EED: variants seen among roughly 807,000 people sequenced by gnomAD.
EED encodes the protein embryonic ectoderm development.
Under a neutral mutation model 61.0 loss-of-function variants are expected in EED, and 9 were observed. The ratio of observed to expected loss-of-function variants is 0.15; its 90% CI spans 0.09 to 0.26. The LOEUF (loss-of-function observed/expected upper bound fraction) is 0.26, where lower values mean the gene tolerates loss of function less well. EED is among the 10% of genes least tolerant of loss of function. EED has a pLI of 1.00. For synonymous variants in EED, 187 were observed against 174.4 expected, an observed-to-expected ratio of 1.07 and a Z score of -0.57; for missense variants, 315 against 542.3, an observed-to-expected ratio of 0.58 and a Z score of 4.16.
chr11:86,284,576 C>T, the EED span: 1 of 152,142 alleles, frequency 6.6e-6, no homozygotes, highest in Non-Finnish European at 1.5e-5. Context: ...TGCTCTTTGC[C>T]CCAAGGGAAC....
intron 1 of EED, among the ~76,000 whole-genome samples, chr11:86,248,533 G>A (rs1315890559): frequency 2.0e-5 from 3 of 152,150 alleles, no homozygotes; most frequent in African/African-American, 7.2e-5. Context: ...AGGGAACCAG[G>A]CAAATGTTAT....
At chr11:86,267,800 A>C (rs1000025209) in intron 8 of EED, 1 of 116,878 alleles carries the variant, frequency 8.6e-6, no homozygotes. Context: ...TTTTTAGTAG[A>C]GATGGGGTTT....
Position 86,265,917 on chromosome 11 carries a change from C to T in EED, c.727-166C>T, listed in dbSNP as rs1310195354. The T allele has an allele frequency of 3.7e-5, 18 of 481,490 alleles. No individual in the cohort carries two copies. In the Admixed American group the frequency reaches 5.7e-4, roughly 15 times the overall value. The allele number at this position is 481,490 out of a possible 1,614,324, so 29.8% of individuals were successfully genotyped here. ...TGACAAACTAATTAAAGCTGTAAAT[C>T]TTGAAAGTAGTAAACTCTGATTTAT... On this transcript the variant is annotated intron_variant, in intron 7 of 11. Coordinates refer to ENST00000263360, the MANE Select transcript of EED (RefSeq NM_003797.5).
chr11:86,285,260 A>G, the EED span, among the ~76,000 whole-genome samples: 1 of 151,992 alleles, frequency 6.6e-6, no homozygotes, highest in African/African-American at 2.4e-5. Context: ...TCTCTACAAA[A>G]TATTTGAAAA....
At chr11:86,245,478 A>T in intron 1 of EED, 135 bp downstream of exon 1, 3 of 744,744 alleles carry the variant, frequency 4.0e-6, no homozygotes, top group Non-Finnish European at 6.8e-6. Context: ...GGCGTGCGGG[A>T]GAAAATTGAA....
rs1945549853 is a variant in EED at position 86,252,200 on chromosome 11, A to G, written c.320A>G (p.Glu107Gly). The change falls in exon 3 of 12, where the codon GAA becomes GGA. Residue 107 changes from glutamate (E) to glycine (G), a missense_variant. Transcript: ENST00000263360. ...FGVQFNWHSK[E>G]GDPLVFATVG... ...GTTCAGTTTAACTGGCACAGTAAAG[A>G]AGGAGATCCATTAGTGTTTGCAACT... The G allele has an allele frequency of 1.2e-6, 2 of 1,612,052 alleles. No individual in the cohort carries two copies. The highest frequency in any genetic ancestry group is 1.7e-5 in the Admixed American group (1 of 59,990).
chr11:86,273,625 C>G (rs1184879516), intron 9 of EED, among the ~76,000 whole-genome samples: 1 of 152,178 alleles, frequency 6.6e-6, no homozygotes, highest in Non-Finnish European at 1.5e-5. Context: ...TTTATCAGAG[C>G]ATGGCCTCAT....
intron 1 of EED, 113 bp downstream of exon 1, chr11:86,245,456 C>G: frequency 1.2e-6 from 1 of 868,182 alleles, no homozygotes; most frequent in Non-Finnish European, 1.8e-6. Flanking sequence ...AGGTGTCACT[C>G]AGGAAAACGC....
At chr11:86,268,614 TGTGTGTGTGTGTATGTGTGTGC>T in intron 9 of EED, 53 bp downstream of exon 9, 1 of 1,208,138 alleles carries the variant, frequency 8.3e-7, no homozygotes, top group African/African-American at 1.6e-5. Context: ...TGTGTGTGTG[TGTGTGTGTGTGTATGTGTGTGC>T]GCATGTTGGA....
intron 1 of EED, among the ~76,000 whole-genome samples, chr11:86,247,625 AT>A (rs914141246): frequency 1.3e-5 from 2 of 152,096 alleles, no homozygotes; most frequent in African/African-American, 4.8e-5. Context: ...TTAAGATGCA[AT>A]TTTTTTTCCC....
chr11:86,268,815 T>C (rs957478038), intron 9 of EED, among the ~76,000 whole-genome samples: 5 of 152,150 alleles, frequency 3.3e-5, no homozygotes, highest in Non-Finnish European at 5.9e-5. Flanking sequence ...TTTTATAAGG[T>C]GATAGTATTC....
intron 9 of EED, among the ~76,000 whole-genome samples, chr11:86,274,605 TGCTCAGTCGGGGTG>T (rs922327553): frequency 6.6e-6 from 1 of 152,190 alleles, no homozygotes; most frequent in African/African-American, 2.4e-5. Flanking sequence ...GCTTCATTAC[TGCTCAGTCGGGGTG>T]GGAGTTAAGG....
chr11:86,248,652 G>T (rs1222605522), intron 1 of EED, among the ~76,000 whole-genome samples: 1 of 152,000 alleles, frequency 6.6e-6, no homozygotes, highest in South Asian at 2.1e-4. Flanking sequence ...TTTTTCCCTT[G>T]AGTGGAAGGG....
intron 6 of EED, among the ~76,000 whole-genome samples, chr11:86,262,346 CT>C (rs1239358827): frequency 1.3e-5 from 2 of 152,276 alleles, no homozygotes; most frequent in African/African-American, 4.8e-5. Context: ...GATATTTCTT[CT>C]GCCAGGTATT....
rs1388170340 is a variant in EED at position 86,266,096 on chromosome 11, T to C, written c.740T>C (p.Leu247Ser). 1.3e-6 allele frequency: 2 copies of C among 1,595,124 alleles called. No individual in the cohort carries two copies. The highest frequency in any genetic ancestry group is 1.7e-6 in the Non-Finnish European group (2 of 1,171,894). The stretch of plus-strand genomic sequence containing the variant: ...TTTTGCATACAGGATTATGATCTTT[T>C]GGGTGAAAAAATAATGTCCTGTGGT... ...DEVLSADYDL[L>S]GEKIMSCGMD... The change falls in exon 8 of 12, where the codon TTG becomes TCG. Residue 247 changes from leucine to serine, a missense_variant. Physicochemically the swap from Leu to Ser is moderately radical, Grantham distance 145. Transcript: ENST00000263360.
chr11:86,266,243 T>C (rs1186254691), intron 8 of EED, 27 bp downstream of exon 8: 2 of 1,561,904 alleles, frequency 1.3e-6, no homozygotes, highest in South Asian at 2.4e-5. Context: ...TTGAAACAAT[T>C]TGCTATGTTG....
In EED at chr11:86,244,965, G is replaced by GTATCATTA; in HGVS notation, c.-265_-264insTATCATTA. 23 of 393,220 alleles carry GTATCATTA rather than the reference G, an allele frequency of 5.8e-5. No individual in the cohort carries two copies. The highest frequency in any genetic ancestry group is 1.2e-4 in the South Asian group (3 of 24,904). The allele number at this position is 393,220 out of a possible 1,614,324, so 24.4% of individuals were successfully genotyped here. On this transcript the variant is annotated 5_prime_UTR_variant, in exon 1 of 12. Coordinates refer to ENST00000263360, the MANE Select transcript of EED (RefSeq NM_003797.5). ...GTGTAGACTGCCGGGAGGGCGGCGG[G>GTATCATTA]AAAAGGGCAAGACGGGAGTTGGGGA...
chr11:86,257,346 T>A (rs1373750250), intron 5 of EED, among the ~76,000 whole-genome samples, 169 bp from the exon 6 acceptor site: 1 of 151,502 alleles, frequency 6.6e-6, no homozygotes, highest in African/African-American at 2.4e-5. Context: ...GGGTCTTTTT[T>A]TTTTTTTTTT....
rs1017142422 is a variant in EED at position 86,244,862 on chromosome 11, GTT to G, written c.-366_-365del. 6 of 250,024 alleles carry G rather than the reference GTT, an allele frequency of 2.4e-5. No individual in the cohort carries two copies. Among genetic ancestry groups the G allele is most frequent in the Non-Finnish European group, 3.9e-5 (5 of 128,990 alleles). The allele number at this position is 250,024 out of a possible 1,614,324, so 15.5% of individuals were successfully genotyped here. ...AGGGGGTGAGGGAGCATCCCTTTGA[GTT>G]TCGCCTCTTCTCGAGGCGGTGGTGG... On this transcript the variant is annotated 5_prime_UTR_variant, in exon 1 of 12. Transcript: ENST00000263360.
Sources: allele counts gnomAD v4.1 joint callset (sites outside exome capture counted in the v4.1 genomes callset), GRCh38; gene constraint gnomAD v4.1.1; transcripts MANE v1.5; gene names NCBI Gene and HGNC (gene_info 2026-07-23, HGNC 2026-07-21).